Variants in SPHKAP observed in about 807,000 individuals in gnomAD.
SPHKAP encodes the protein A-kinase anchor protein SPHKAP.
A neutral mutation model predicts 137.5 loss-of-function variants in SPHKAP; 67 were observed. The ratio of observed to expected loss-of-function variants is 0.49; its 90% CI spans 0.40 to 0.60. The LOEUF (loss-of-function observed/expected upper bound fraction) is 0.60, where lower values mean the gene tolerates loss of function less well. Ranked by LOEUF, SPHKAP falls within the 20% of genes least tolerant of loss-of-function variation. The pLI is 0.00. For synonymous variants in SPHKAP, 813 were observed against 785.3 expected, an observed-to-expected ratio of 1.04 and a Z score of -0.59; for missense variants, 2,097 against 2,069.3, an observed-to-expected ratio of 1.01 and a Z score of -0.26.
intron 2 of SPHKAP, among the ~76,000 whole-genome samples, chr2:228,119,669 G>A (rs1698846484): frequency 6.6e-6 from 1 of 151,798 alleles, no homozygotes; most frequent in Non-Finnish European, 1.5e-5. Context: ...CCTATTTAAA[G>A]CACACTGAAC....
chr2:228,102,871 A>G (rs1050716864), intron 3 of SPHKAP, among the ~76,000 whole-genome samples: 1 of 152,074 alleles, frequency 6.6e-6, no homozygotes, highest in Non-Finnish European at 1.5e-5. Flanking sequence ...CCTCCCAAAT[A>G]GCTGGGACTA....
intron 7 of SPHKAP, among the ~76,000 whole-genome samples, chr2:228,009,065 G>A (rs1200469309): frequency 6.6e-6 from 1 of 152,132 alleles, no homozygotes; most frequent in African/African-American, 2.4e-5. Flanking sequence ...CAACTGGGAA[G>A]AACTGACATC....
At chr2:227,997,489 AT>A (rs1157360775) in intron 7 of SPHKAP, among the ~76,000 whole-genome samples, 1 of 152,250 alleles carries the variant, frequency 6.6e-6, no homozygotes, top group Non-Finnish European at 1.5e-5. Context: ...CATTTAATGC[AT>A]TTAGCTTAGT....
At chr2:228,154,512 C>CTCTCTCTCTATATATATATA (rs1393941364) in intron 1 of SPHKAP, among the ~76,000 whole-genome samples, 2 of 22,064 alleles carry the variant, frequency 9.1e-5, no homozygotes, top group Non-Finnish European at 1.5e-4. Context: ...CTCTCTCTCT[C>CTCTCTCTCTATATATATATA]TATATATATA....
intron 3 of SPHKAP, among the ~76,000 whole-genome samples, chr2:228,044,072 T>TAACA (rs1207639304): frequency 6.6e-6 from 1 of 152,206 alleles, no homozygotes; most frequent in Non-Finnish European, 1.5e-5. Context: ...ACCAAACATC[T>TAACA]AACATTCATC....
intron 3 of SPHKAP, among the ~76,000 whole-genome samples, chr2:228,100,607 G>A (rs1287334701): frequency 7.1e-6 from 1 of 139,972 alleles, no homozygotes; most frequent in Non-Finnish European, 1.6e-5. Flanking sequence ...TGATAGTATG[G>A]TTTTCTTTTT....
At chr2:228,116,693 A>G (rs1478973746) in intron 2 of SPHKAP, among the ~76,000 whole-genome samples, 1 of 152,130 alleles carries the variant, frequency 6.6e-6, no homozygotes, top group Non-Finnish European at 1.5e-5. Context: ...CCAAAGTTTT[A>G]TGGGCTTTTT....
chr2:228,029,173 A>G (rs1695185712), intron 3 of SPHKAP, among the ~76,000 whole-genome samples: 2 of 152,222 alleles, frequency 1.3e-5, no homozygotes, highest in Non-Finnish European at 2.9e-5. Context: ...ATACTTTGCT[A>G]GCAATCATCC....
chr2:228,026,362 C>G (rs982653266), intron 4 of SPHKAP, among the ~76,000 whole-genome samples: 8 of 152,132 alleles, frequency 5.3e-5, no homozygotes, highest in African/African-American at 1.9e-4. Flanking sequence ...GTACTAAGCA[C>G]TATGCTAGAG....
intron 3 of SPHKAP, among the ~76,000 whole-genome samples, chr2:228,065,438 T>C (rs1386396429): frequency 6.6e-6 from 1 of 152,230 alleles, no homozygotes; most frequent in African/African-American, 2.4e-5. Flanking sequence ...GCAGTTTCTA[T>C]GGACTGCTGA....
At chr2:228,140,699 G>C (rs1037807026) in intron 1 of SPHKAP, among the ~76,000 whole-genome samples, 12 of 152,042 alleles carry the variant, frequency 7.9e-5, no homozygotes, top group African/African-American at 2.9e-4. Context: ...TTGGATCATG[G>C]GGGGGTGGAT....
intron 1 of SPHKAP, among the ~76,000 whole-genome samples, chr2:228,154,219 A>G (rs911041238): frequency 2.0e-5 from 3 of 151,986 alleles, no homozygotes; most frequent in African/African-American, 7.2e-5. Context: ...CTAAACTGTA[A>G]TGTTTAAAGA....
chr2:228,059,369 T>C (rs1173759182), intron 3 of SPHKAP, among the ~76,000 whole-genome samples: 2 of 152,208 alleles, frequency 1.3e-5, no homozygotes, highest in South Asian at 2.1e-4. Flanking sequence ...TTACTCACTT[T>C]TGTAATTTTT....
At chr2:228,012,003 CA>C (rs1156826676) in intron 7 of SPHKAP, among the ~76,000 whole-genome samples, 1 of 151,266 alleles carries the variant, frequency 6.6e-6, no homozygotes, top group Non-Finnish European at 1.5e-5. Context: ...TCCATCTCCA[CA>C]AAAAAATTAA....
intron 6 of SPHKAP, among the ~76,000 whole-genome samples, chr2:228,021,475 A>T (rs1422812520): frequency 6.6e-6 from 1 of 152,180 alleles, no homozygotes; most frequent in Non-Finnish European, 1.5e-5. Flanking sequence ...TCCCTTCAGT[A>T]TGCCTAAGGC....
rs748347041 is a variant in SPHKAP at position 228,017,222 on chromosome 2, G to A, written c.3632C>T (p.Ser1211Phe). ...DIERDSRESA[S>F]SRRSSQDWTA... Reference sequence around the variant, plus strand: ...CCAATCCTGGCTGCTCCGTCTGGAGGAGGCACTTTCTCTGCTGTCTCTTTC... The same window carrying A: ...CCAATCCTGGCTGCTCCGTCTGGAGAAGGCACTTTCTCTGCTGTCTCTTTC... The change falls in exon 7 of 12, where the codon TCC becomes TTC. Residue 1211 changes from serine to phenylalanine, a missense_variant. Transcript: ENST00000392056. 1.2e-6 allele frequency: 2 copies of A among 1,614,000 alleles called. No homozygotes were observed. Among genetic ancestry groups the A allele is most frequent in the Non-Finnish European group, 1.7e-6 (2 of 1,180,016 alleles).
intron 1 of SPHKAP, among the ~76,000 whole-genome samples, chr2:228,133,101 G>A (rs1699311507): frequency 6.6e-6 from 1 of 152,058 alleles, no homozygotes; most frequent in South Asian, 2.1e-4. Flanking sequence ...GAGCTCAGGA[G>A]TATGAGATCA....
chr2:228,019,863 G>T lies in SPHKAP; in HGVS notation c.991C>A (p.Gln331Lys). ...HYYHSEAFKG[Q>K]MEKSQALYIP... The stretch of plus-strand genomic sequence containing the variant: ...TACAGTGCCTGTGATTTTTCCATTT[G>T]ACCTTTAAAAGCTTCTGAATGATAA... Residue 331 changes from glutamine (Q) to lysine (K), a missense_variant, in exon 7 of 12, where the codon CAA (glutamine) becomes AAA (lysine). Gln to Lys is a moderately conservative substitution (Grantham distance 53). Coordinates refer to ENST00000392056, the MANE Select transcript of SPHKAP (RefSeq NM_001142644.2). 1 of 1,614,092 alleles carries T rather than the reference G, an allele frequency of 6.2e-7. No individual in the cohort carries two copies. Among genetic ancestry groups the T allele is most frequent in the South Asian group, 1.1e-5 (1 of 91,062 alleles).
At chr2:228,087,579 T>C (rs763437584) in intron 3 of SPHKAP, among the ~76,000 whole-genome samples, 18 of 151,988 alleles carry the variant, frequency 1.2e-4, no homozygotes, top group Admixed American at 3.9e-4. Flanking sequence ...TTTCATCAGA[T>C]AAAGAATATA....
Sources: allele counts gnomAD v4.1 joint callset (sites outside exome capture counted in the v4.1 genomes callset), GRCh38; gene constraint gnomAD v4.1.1; transcripts MANE v1.5; gene names NCBI Gene and HGNC (gene_info 2026-07-23, HGNC 2026-07-21).